The following PLPP1 variants were observed in gnomAD, a reference collection of about 807,000 sequenced individuals.
The protein encoded by PLPP1 is lipid phosphate phosphohydrolase 1a.
In PLPP1, 24 loss-of-function variants were observed where a neutral mutation model predicts 31.2. The ratio of observed to expected loss-of-function variants is 0.77; its 90% CI spans 0.56 to 1.08. The LOEUF (loss-of-function observed/expected upper bound fraction) is 1.08, where lower values mean the gene tolerates loss of function less well. PLPP1 is among the 50% of genes least tolerant of loss of function. The probability of loss-of-function intolerance (pLI) is 0.00; values close to 1 mark genes in which losing one functional copy is unlikely to be tolerated. For synonymous variants in PLPP1, 146 were observed against 126.3 expected, an observed-to-expected ratio of 1.16 and a Z score of -1.05; for missense variants, 319 against 342.7, an observed-to-expected ratio of 0.93 and a Z score of 0.55.
chr5:55,482,770 A>G (rs1051068829), intron 1 of PLPP1, among the ~76,000 whole-genome samples: 2 of 152,220 alleles, frequency 1.3e-5, no homozygotes, highest in African/African-American at 4.8e-5. Flanking sequence ...CTTTACTTAT[A>G]TAGTACTTTA....
intron 2 of PLPP1, among the ~76,000 whole-genome samples, chr5:55,470,620 A>C (rs1336916235): frequency 6.6e-6 from 1 of 152,270 alleles, no homozygotes; most frequent in Non-Finnish European, 1.5e-5. Flanking sequence ...AGAGAAGCAG[A>C]CAATAAAGAA....
At chr5:55,444,770 T>TGTGTGTGTGTGTGTGTGTGTGTGTGTGG (rs1339633741) in intron 3 of PLPP1, among the ~76,000 whole-genome samples, 1 of 151,242 alleles carries the variant, frequency 6.6e-6, no homozygotes, top group African/African-American at 2.4e-5. Context: ...TGTGTGTGTG[T>TGTGTGTGTGTGTGTGTGTGTGTGTGTGG]GATGGAGTCT....
intron 4 of PLPP1, 109 bp downstream of exon 4, chr5:55,441,742 T>C (rs1751625194): frequency 4.3e-6 from 5 of 1,160,078 alleles, no homozygotes; most frequent in South Asian, 1.3e-5. Context: ...ATCATCTGTT[T>C]CACCTTTTGC....
At chr5:55,496,103 C>A (rs564541376) in intron 1 of PLPP1, among the ~76,000 whole-genome samples, 21 of 152,262 alleles carry the variant, frequency 1.4e-4, no homozygotes, top group African/African-American at 5.1e-4. Flanking sequence ...AGTGATCCAC[C>A]TGCCTCGGCC....
At position 55,425,329 on chromosome 5, in the gene PLPP1, T is replaced by C. The variant is rs1480039177; in HGVS notation, c.732A>G (p.Val244=). 4 of 1,597,430 alleles carry C rather than the reference T, an allele frequency of 2.5e-6. No individual in the cohort carries two copies. The highest frequency in any genetic ancestry group is 4.5e-5 in the East Asian group (2 of 44,810). The change falls in exon 6 of 6, where the codon GTA becomes GTG. Residue 244 remains valine (V), a synonymous_variant. Transcript: ENST00000307259. ...QGALVAILVA[V]YVSDFFKERT... Reference sequence around the variant, plus strand: ...TTTCTTTGAAGAAATCCGATACATATACAGCCTACAGTGCAAAATATTTAA... The same window carrying C: ...TTTCTTTGAAGAAATCCGATACATACACAGCCTACAGTGCAAAATATTTAA...
chr5:55,450,092 C>T (rs935758201), intron 3 of PLPP1, among the ~76,000 whole-genome samples: 5 of 152,122 alleles, frequency 3.3e-5, no homozygotes, highest in African/African-American at 1.2e-4. Context: ...TATTTTAATA[C>T]ATTTCCATTT....
At chr5:55,521,365 A>C (rs1753663506) in intron 1 of PLPP1, among the ~76,000 whole-genome samples, 1 of 151,450 alleles carries the variant, frequency 6.6e-6, no homozygotes, top group Non-Finnish European at 1.5e-5. Flanking sequence ...AAAAAAAAAA[A>C]AATTGGCCAG....
At chr5:55,527,475 G>A (rs1740499686) in intron 1 of PLPP1, among the ~76,000 whole-genome samples, 1 of 152,176 alleles carries the variant, frequency 6.6e-6, no homozygotes, top group Admixed American at 6.5e-5. Flanking sequence ...AAGCCAAGAT[G>A]GCAGCCCATG....
chr5:55,503,911 AAG>A (rs1753203206), intron 1 of PLPP1, among the ~76,000 whole-genome samples: 1 of 7,210 alleles, frequency 1.4e-4, no homozygotes, highest in Non-Finnish European at 3.3e-4. Context: ...AGGGGGGAGG[AAG>A]GGGGGGGAGG....
chr5:55,510,689 G>A (rs1241873653), intron 1 of PLPP1, among the ~76,000 whole-genome samples: 1 of 152,138 alleles, frequency 6.6e-6, no homozygotes, highest in Non-Finnish European at 1.5e-5. Context: ...TCAGCTACTG[G>A]TGGAACCAAT....
intron 1 of PLPP1, among the ~76,000 whole-genome samples, chr5:55,500,347 G>T (rs1391675618): frequency 6.6e-6 from 1 of 151,988 alleles, no homozygotes; most frequent in African/African-American, 2.4e-5. Flanking sequence ...CCAAAGTCTT[G>T]GGATTACAGG....
chr5:55,457,520 A>G (rs1752043749), intron 3 of PLPP1, among the ~76,000 whole-genome samples: 1 of 152,210 alleles, frequency 6.6e-6, no homozygotes, highest in African/African-American at 2.4e-5. Context: ...AAACAAAAAT[A>G]TCATCAATAA....
intron 1 of PLPP1, among the ~76,000 whole-genome samples, chr5:55,511,902 C>A (rs1753422204): frequency 6.6e-6 from 1 of 151,068 alleles, no homozygotes; most frequent in African/African-American, 2.4e-5. Context: ...ATCTCCTGAC[C>A]TCGTGATCCG....
At chr5:55,519,706 C>T (rs1307818419) in intron 1 of PLPP1, among the ~76,000 whole-genome samples, 1 of 150,078 alleles carries the variant, frequency 6.7e-6, no homozygotes. Context: ...GCCAAGATCG[C>T]GCCATTGCAC....
intron 1 of PLPP1, among the ~76,000 whole-genome samples, chr5:55,506,453 CAGCCTCTCTCTTAGGAAAGG>C (rs1001151570): frequency 6.6e-6 from 1 of 152,124 alleles, no homozygotes; most frequent in African/African-American, 2.4e-5. Context: ...CCACATTACA[CAGCCTCTCTCTTAGGAAAGG>C]AGCCTAACTT....
intron 1 of PLPP1, among the ~76,000 whole-genome samples, chr5:55,481,924 A>C (rs1224910175): frequency 6.6e-6 from 1 of 151,496 alleles, no homozygotes; most frequent in Non-Finnish European, 1.5e-5. Flanking sequence ...CCACAGTACT[A>C]TATTTCTACA....
intron 1 of PLPP1, among the ~76,000 whole-genome samples, chr5:55,522,421 A>C (rs1390156640): frequency 1.3e-5 from 2 of 152,178 alleles, no homozygotes; most frequent in Non-Finnish European, 2.9e-5. Context: ...ATAGATACAG[A>C]GTCTCGCTCT....
intron 1 of PLPP1, among the ~76,000 whole-genome samples, chr5:55,521,366 A>ACAAAAAAC (rs1561256364): frequency 1.7e-5 from 2 of 117,518 alleles, no homozygotes; most frequent in African/African-American, 6.3e-5. Flanking sequence ...AAAAAAAAAA[A>ACAAAAAAC]ATTGGCCAGG....
chr5:55,428,840 T>A (rs1751272652), intron 4 of PLPP1, among the ~76,000 whole-genome samples: 2 of 152,222 alleles, frequency 1.3e-5, no homozygotes, highest in Admixed American at 1.3e-4. Context: ...GGCATTCAGT[T>A]AGTTACTTCT....
Sources: allele counts gnomAD v4.1 joint callset (sites outside exome capture counted in the v4.1 genomes callset), GRCh38; gene constraint gnomAD v4.1.1; transcripts MANE v1.5; gene names NCBI Gene and HGNC (gene_info 2026-07-23, HGNC 2026-07-21).